The following MVB12B variants were observed in gnomAD, a reference collection of about 807,000 sequenced individuals.
MVB12B encodes the protein ESCRT-I complex subunit MVB12B.
MVB12B carries 16 observed loss-of-function variants against 41.6 expected under a neutral mutation model. The observed-to-expected ratio is 0.38, with a 90% CI of 0.26 to 0.58. The LOEUF (loss-of-function observed/expected upper bound fraction) is 0.58. Ranked by LOEUF, MVB12B falls within the 20% of genes least tolerant of loss-of-function variation. The pLI is 0.62. For synonymous variants in MVB12B, 133 were observed against 139.7 expected (o/e 0.95, Z 0.34); for missense variants, 274 against 380.2 (o/e 0.72, Z 2.32).
At position 126,381,057 on chromosome 9, in the gene MVB12B, G is replaced by A; in HGVS notation, c.205-7G>A. 6.2e-7 allele frequency: 1 copy of A among 1,612,392 alleles called. No homozygotes were observed. Among genetic ancestry groups the A allele is most frequent in the Non-Finnish European group, 8.5e-7 (1 of 1,178,516 alleles). Reference sequence around the variant, plus strand: ...CTGCAATCCTTTTCTCTGTCTCTCCGGTGTAGGTTGCACAGACAGCAGATG... The same window carrying A: ...CTGCAATCCTTTTCTCTGTCTCTCCAGTGTAGGTTGCACAGACAGCAGATG... On this transcript the variant is annotated splice_region_variant and splice_polypyrimidine_tract_variant and intron_variant, in intron 2 of 9. Coordinates refer to ENST00000361171, the MANE Select transcript of MVB12B (RefSeq NM_033446.3).
In MVB12B at chr9:126,454,492, A is replaced by T. The variant is rs116259306; in HGVS notation, c.758-26877A>T. On this transcript the variant is annotated intron_variant, in intron 7 of 9. Transcript: ENST00000361171. ...GCTAATCCCATTGAGCCTCGGGCTC[A>T]GTAAGCGGGACACCCAGGTGGCCTG... Among the ~76,000 whole-genome samples the T allele has an allele frequency of 6.9e-3, 1,053 of 152,376 alleles. 16 individuals carry two copies. Among genetic ancestry groups the T allele is most frequent in the African/African-American group, 0.024 (1,006 of 41,592 alleles).
At chr9:126,469,730 G>A (rs1010223426) in intron 7 of MVB12B, among the ~76,000 whole-genome samples, 5 of 152,194 alleles carry the variant, frequency 3.3e-5, no homozygotes, top group Non-Finnish European at 5.9e-5. Context: ...CTTTGGTCTC[G>A]AGCTCACTGA....
At chr9:126,439,980 C>T (rs1433732855) in intron 7 of MVB12B, among the ~76,000 whole-genome samples, 1 of 152,082 alleles carries the variant, frequency 6.6e-6, no homozygotes, top group Non-Finnish European at 1.5e-5. Flanking sequence ...TTTTAATAGG[C>T]CCATTTACTC....
At chr9:126,354,060 C>T (rs776766355) in intron 2 of MVB12B, among the ~76,000 whole-genome samples, 1 of 152,116 alleles carries the variant, frequency 6.6e-6, no homozygotes, top group Admixed American at 6.5e-5. Flanking sequence ...GCTCATTTTG[C>T]GAATGTGCAG....
At chr9:126,327,089 C>T (rs1187924652) in intron 1 of MVB12B, 79 bp downstream of exon 1, 1 of 202,268 alleles carries the variant, frequency 4.9e-6, no homozygotes, top group African/African-American at 2.4e-5. Flanking sequence ...GGGCGCGGGC[C>T]CCCGGCCGAG....
At chr9:126,337,954 T>A (rs1291890165) in intron 1 of MVB12B, among the ~76,000 whole-genome samples, 1 of 152,154 alleles carries the variant, frequency 6.6e-6, no homozygotes. Flanking sequence ...GGAAGGTCAA[T>A]TGAAGTGCCG....
At chr9:126,477,900 C>T (rs1310927151) in intron 7 of MVB12B, among the ~76,000 whole-genome samples, 2 of 152,342 alleles carry the variant, frequency 1.3e-5, no homozygotes, top group East Asian at 3.9e-4. Context: ...TGACAGGAGG[C>T]CTGGCTACTG....
intron 6 of MVB12B, among the ~76,000 whole-genome samples, chr9:126,401,030 C>G (rs1008238138): frequency 6.6e-6 from 1 of 152,218 alleles, no homozygotes; most frequent in South Asian, 2.1e-4. Flanking sequence ...TAGCCTCACC[C>G]CACCCTTCCT....
At chr9:126,393,650 G>A (rs1488433724) in intron 5 of MVB12B, among the ~76,000 whole-genome samples, 1 of 152,204 alleles carries the variant, frequency 6.6e-6, no homozygotes, top group Non-Finnish European at 1.5e-5. Context: ...TCAGAAAGGG[G>A]GTGAGTGGAT....
chr9:126,390,396 G>A (rs972613581), intron 4 of MVB12B, among the ~76,000 whole-genome samples: 1 of 152,210 alleles, frequency 6.6e-6, no homozygotes, highest in African/African-American at 2.4e-5. Context: ...GGAAATGTTG[G>A]TGTTGGGATT....
chr9:126,446,268 A>G (rs544408672), intron 7 of MVB12B, among the ~76,000 whole-genome samples: 1 of 152,082 alleles, frequency 6.6e-6, no homozygotes, highest in East Asian at 1.9e-4. Context: ...TGTTTTGATG[A>G]TTTAGCATTT....
chr9:126,387,982 A>G (rs17293036), intron 4 of MVB12B, among the ~76,000 whole-genome samples: 14,407 of 152,284 alleles, frequency 0.095, 740 homozygotes, highest in Non-Finnish European at 0.11. Flanking sequence ...CACCTTTTAC[A>G]GATATGTTTT....
chr9:126,332,816 C>A (rs971130090), intron 1 of MVB12B, among the ~76,000 whole-genome samples: 4 of 152,170 alleles, frequency 2.6e-5, no homozygotes, highest in African/African-American at 9.7e-5. Context: ...CCCATTCATT[C>A]ATAATCCATT....
rs372246499 is a variant in MVB12B, at chr9:126,401,300, C to T, written c.662+5603C>T. 4.6e-5 allele frequency among the ~76,000 whole-genome samples: 7 copies of T among 152,208 alleles called. 1 individual carries two copies. The South Asian group carries it at 1.2e-3, about 27-fold the overall frequency. ...GGCCTGGGTTGCCCGTAGGAGGTGA[C>T]GTGTTGCTCGCTATTGCAGTCATCT... On this transcript the variant is annotated intron_variant, in intron 6 of 9. Transcript: ENST00000361171.
At chr9:126,445,713 C>T (rs897305892) in intron 7 of MVB12B, among the ~76,000 whole-genome samples, 8 of 151,774 alleles carry the variant, frequency 5.3e-5, no homozygotes, top group Admixed American at 1.3e-4. Context: ...CCAGGGTGGT[C>T]TCAAACTCCT....
chr9:126,333,274 A>G lies in MVB12B; in HGVS notation c.81+6264A>G, dbSNP rs139739404. Among the ~76,000 whole-genome samples, 9 of 152,228 alleles carry G rather than the reference A, an allele frequency of 5.9e-5. No individual in the cohort carries two copies. The highest frequency in any genetic ancestry group is 2.1e-4 in the South Asian group (1 of 4,814). On this transcript the variant is annotated intron_variant, in intron 1 of 9. Coordinates refer to ENST00000361171, the MANE Select transcript of MVB12B (RefSeq NM_033446.3). The surrounding 1 kb of genome is among the most constrained non-coding windows in gnomAD (Gnocchi z 4.7). ...GCTAATTTTTGTATTTTTAGTAAAG[A>G]CAGGATTTCACCATATGGGCCAGGC...
intron 5 of MVB12B, among the ~76,000 whole-genome samples, chr9:126,393,763 A>T (rs189134571): frequency 6.6e-6 from 1 of 152,356 alleles, no homozygotes. Context: ...CCCCTCAGCC[A>T]TGTGCGTCTT....
At chr9:126,369,457 A>G (rs1830274544) in intron 2 of MVB12B, among the ~76,000 whole-genome samples, 1 of 152,214 alleles carries the variant, frequency 6.6e-6, no homozygotes, top group Non-Finnish European at 1.5e-5. Context: ...TTTCTTTTTT[A>G]ATAAAAGAAA....
At chr9:126,398,995 C>T (rs77736971) in intron 6 of MVB12B, among the ~76,000 whole-genome samples, 54 of 152,362 alleles carry the variant, frequency 3.5e-4, no homozygotes, top group African/African-American at 1.3e-3. Flanking sequence ...GCAGCACTGC[C>T]TTCTCTGTCC....
Sources: allele counts gnomAD v4.1 joint callset (sites outside exome capture counted in the v4.1 genomes callset), GRCh38; gene constraint gnomAD v4.1.1; non-coding constraint Gnocchi (gnomAD v3.1); transcripts MANE v1.5; gene names NCBI Gene and HGNC (gene_info 2026-07-23, HGNC 2026-07-21).